Variants in IL16 observed in about 807,000 individuals in gnomAD.
IL16 encodes the protein interleukin 16.
Under a neutral mutation model 110.1 loss-of-function variants are expected in IL16, and 67 were observed. The observed-to-expected ratio is 0.61, with a 90% CI of 0.50 to 0.75. The LOEUF is 0.75. IL16 is among the 30% of genes least tolerant of loss of function. IL16 has a pLI of 0.00. For missense variants in IL16, 1,545 were observed against 1,655.0 expected (o/e 0.93, Z 1.15); for synonymous variants, 689 against 662.9 (o/e 1.04, Z -0.61).
At chr15:81,206,334 G>A (rs1158595456) in intron 1 of IL16, among the ~76,000 whole-genome samples, 1 of 152,156 alleles carries the variant, frequency 6.6e-6, no homozygotes, top group African/African-American at 2.4e-5. Flanking sequence ...GTAGGCATTT[G>A]TAACACAGTG....
At chr15:81,236,677 C>T (rs556395390) in intron 2 of IL16, among the ~76,000 whole-genome samples, 7 of 152,154 alleles carry the variant, frequency 4.6e-5, no homozygotes, top group African/African-American at 1.4e-4. Context: ...AGAATAAGGC[C>T]GGGCGCGGTG....
chr15:81,259,724 G>A (rs1210627174), intron 2 of IL16, 48 bp from the exon 3 acceptor site: 1 of 1,365,280 alleles, frequency 7.3e-7, no homozygotes. Context: ...CTAAGCACAA[G>A]TTTTCTATTC....
At chr15:81,243,165 T>TATATATATA (rs1595985718) in intron 2 of IL16, among the ~76,000 whole-genome samples, 2 of 13,376 alleles carry the variant, frequency 1.5e-4, no homozygotes, top group African/African-American at 3.9e-4. Context: ...ATATATATAT[T>TATATATATA]TTTTTTTTTT....
At chr15:81,207,380 A>G (rs186415046) in intron 1 of IL16, among the ~76,000 whole-genome samples, 358 of 152,312 alleles carry the variant, frequency 2.4e-3, no homozygotes, top group Middle Eastern at 3.4e-3. Flanking sequence ...ATTCACAAAA[A>G]GGCTAAGTAG....
At chr15:81,305,852 A>AGTAT (rs1900522477) in intron 16 of IL16, 56 bp from the exon 17 acceptor site, 1 of 1,583,924 alleles carries the variant, frequency 6.3e-7, no homozygotes, top group South Asian at 1.2e-5. Flanking sequence ...TCCTCCAGCA[A>AGTAT]GTATGTGGAC....
chr15:81,268,199 G>T (rs1898476111), intron 4 of IL16, among the ~76,000 whole-genome samples: 1 of 152,248 alleles, frequency 6.6e-6, no homozygotes, highest in South Asian at 2.1e-4. Context: ...GGCCCATCAG[G>T]TGTGGGCAAC....
At position 81,300,072 on chromosome 15, in the gene IL16, G is replaced by T; in HGVS notation, c.2746G>T (p.Asp916Tyr). The part of the protein sequence containing the change: ...SGSPAASEAR[D>Y]PGVSESPPPG... The stretch of plus-strand genomic sequence containing the variant: ...GTCCCCTGCAGCCTCCGAGGCCAGA[G>T]ACCCAGGTGTGTCTGAGTCCCCTCC... Residue 916 changes from aspartate (D) to tyrosine (Y), a missense_variant, in exon 14 of 19, where the codon GAC (aspartate) becomes TAC (tyrosine). Physicochemically the swap from Asp to Tyr is radical, Grantham distance 160 (BLOSUM62 -3). This residue lies in a region of IL16 where 1,185 missense variants were observed against 1,238.8 expected (regional missense o/e 0.96). Transcript: ENST00000683961. The T allele has an allele frequency of 6.4e-7, 1 of 1,569,090 alleles. No homozygotes were observed.
intron 2 of IL16, among the ~76,000 whole-genome samples, chr15:81,256,774 C>T (rs185832907): frequency 2.0e-5 from 3 of 152,322 alleles, no homozygotes; most frequent in African/African-American, 4.8e-5. Flanking sequence ...GCTTGCTCCT[C>T]ATGGATAAGT....
chr15:81,201,990 G>A (rs903135536), intron 1 of IL16, among the ~76,000 whole-genome samples: 6 of 152,202 alleles, frequency 3.9e-5, no homozygotes, highest in Non-Finnish European at 8.8e-5. Context: ...AACCAGAGAT[G>A]GGGTTACTAA....
intron 1 of IL16, among the ~76,000 whole-genome samples, chr15:81,224,522 G>A (rs1463569907): frequency 6.6e-6 from 1 of 152,228 alleles, no homozygotes. Context: ...TGATGAAGCA[G>A]GAGCCCCTGG....
chr15:81,308,478 C>A (rs1900684952), intron 18 of IL16, 127 bp from the exon 19 acceptor site: 2 of 661,728 alleles, frequency 3.0e-6, no homozygotes, highest in South Asian at 4.1e-5. Context: ...CACCAACAAG[C>A]AAGCTCCCAA....
At chr15:81,282,191 G>T (rs548523864) in intron 8 of IL16, among the ~76,000 whole-genome samples, 1 of 152,290 alleles carries the variant, frequency 6.6e-6, no homozygotes, top group African/African-American at 2.4e-5. Context: ...TTGCCCTGGG[G>T]CCTTTGCGTT....
At chr15:81,267,146 G>A (rs1359317876) in intron 4 of IL16, among the ~76,000 whole-genome samples, 1 of 152,146 alleles carries the variant, frequency 6.6e-6, no homozygotes, top group African/African-American at 2.4e-5. Context: ...TACTTCCTGG[G>A]GGAAGCTGCT....
In IL16 at chr15:81,313,255, A is replaced by T. The variant is rs139038128; in HGVS notation, c.*4457A>T. 34 of 1,562,760 alleles carry T rather than the reference A, an allele frequency of 2.2e-5. No homozygotes were observed. In the African/African-American group the frequency reaches 4.4e-4, roughly 20 times the overall value. ...TTCTTTGCCAAGAAGTAACGATAGC[A>T]TTACTCATGGAATTGCTTCACTGCT... is the stretch of plus-strand genomic sequence containing the variant. On this transcript the variant is annotated 3_prime_UTR_variant, in exon 19 of 19. Transcript: ENST00000683961.
At chr15:81,278,363 G>T (rs1456214897) in intron 6 of IL16, among the ~76,000 whole-genome samples, 1 of 152,184 alleles carries the variant, frequency 6.6e-6, no homozygotes, top group Admixed American at 6.5e-5. Flanking sequence ...GGTAGCAGGG[G>T]CCTAAAGATT....
chr15:81,290,832 G>A (rs1036321877), intron 11 of IL16, among the ~76,000 whole-genome samples: 1 of 152,122 alleles, frequency 6.6e-6, no homozygotes, highest in Admixed American at 6.5e-5. Context: ...CCTGTACCAA[G>A]TTGCCATTCA....
At chr15:81,244,050 CAT>C (rs1177246494) in intron 2 of IL16, among the ~76,000 whole-genome samples, 1 of 152,088 alleles carries the variant, frequency 6.6e-6, no homozygotes, top group Non-Finnish European at 1.5e-5. Context: ...ATTATATAGA[CAT>C]AACTCATTAT....
rs753381288 is a variant in IL16, at chr15:81,313,227, G to A, written c.*4429G>A. On this transcript the variant is annotated 3_prime_UTR_variant, in exon 19 of 19. Coordinates refer to ENST00000683961, the MANE Select transcript of IL16 (RefSeq NM_172217.5). Reference sequence around the variant, plus strand: ...GCTGGAGCTCCTCGATGAGTCACGGGAGTTCTTTGCCAAGAAGTAACGATA... The same window carrying A: ...GCTGGAGCTCCTCGATGAGTCACGGAAGTTCTTTGCCAAGAAGTAACGATA... The A allele has an allele frequency of 6.6e-7, 1 of 1,517,062 alleles. No homozygotes were observed. The highest frequency in any genetic ancestry group is 2.5e-5 in the East Asian group (1 of 39,236). 94.0% of individuals were successfully genotyped at this position (1,517,062 alleles called of 1,614,324 possible).
intron 1 of IL16, among the ~76,000 whole-genome samples, chr15:81,208,816 C>T (rs780440905): frequency 7.9e-5 from 12 of 152,146 alleles, no homozygotes; most frequent in African/African-American, 1.9e-4. Flanking sequence ...ATTAATCTGC[C>T]GGGGTTGTGG....
Sources: allele counts gnomAD v4.1 joint callset (sites outside exome capture counted in the v4.1 genomes callset), GRCh38; gene constraint gnomAD v4.1.1; regional missense constraint gnomAD v4.1.1; transcripts MANE v1.5; gene names NCBI Gene and HGNC (gene_info 2026-07-23, HGNC 2026-07-21).